ALX1: variants seen among roughly 807,000 people sequenced by gnomAD.
ALX1 encodes the protein ALX homeobox protein 1.
A neutral mutation model predicts 31.7 loss-of-function variants in ALX1; 19 were observed. The ratio of observed to expected loss-of-function variants is 0.60; its 90% confidence interval spans 0.42 to 0.88. ALX1 has a LOEUF of 0.88. Ranked by LOEUF, ALX1 falls within the 40% of genes least tolerant of loss-of-function variation. The pLI is 0.00. For synonymous variants in ALX1, 153 were observed against 148.8 expected (o/e 1.03, Z -0.20); for missense variants, 415 against 407.8 (o/e 1.02, Z -0.15).
chr12:85,287,054 A>G (rs1896758311), intron 3 of ALX1, 73 bp downstream of exon 3: 9 of 1,547,650 alleles, frequency 5.8e-6, no homozygotes, highest in Admixed American at 3.4e-5. Context: ...TGGTTAGCAT[A>G]GGCTTTATTA....
intron 3 of ALX1, 136 bp downstream of exon 3, chr12:85,287,117 A>G: frequency 5.9e-6 from 6 of 1,018,878 alleles, no homozygotes; most frequent in African/African-American, 1.6e-5. Context: ...AACATTCTTC[A>G]TGTCTGCTAA....
chr12:85,296,819 C>T (rs543247086), intron 3 of ALX1, among the ~76,000 whole-genome samples: 5 of 140,704 alleles, frequency 3.6e-5, no homozygotes, highest in South Asian at 4.6e-4. Context: ...CAGAGGCCTA[C>T]GAAAACACCG....
intron 1 of ALX1, among the ~76,000 whole-genome samples, chr12:85,281,468 C>G (rs1370054391): frequency 4.6e-5 from 7 of 152,010 alleles, no homozygotes; most frequent in Non-Finnish European, 1.0e-4. Context: ...AAATAACAAA[C>G]GAATTAAGTG....
intron 3 of ALX1, among the ~76,000 whole-genome samples, chr12:85,294,229 T>A (rs1195598879): frequency 6.6e-6 from 1 of 151,190 alleles, no homozygotes; most frequent in Admixed American, 6.6e-5. Flanking sequence ...TTATCTTTAT[T>A]TCTTATATTG....
chr12:85,298,645 G>T (rs1896920820), intron 3 of ALX1, among the ~76,000 whole-genome samples: 1 of 151,704 alleles, frequency 6.6e-6, no homozygotes, highest in Non-Finnish European at 1.5e-5. Context: ...AAAAATGTGT[G>T]AGGATATCTC....
intron 3 of ALX1, among the ~76,000 whole-genome samples, chr12:85,288,074 C>G (rs982771389): frequency 7.3e-5 from 11 of 151,250 alleles, no homozygotes; most frequent in Non-Finnish European, 1.2e-4. Context: ...AGATAAATCC[C>G]CCAAATTTAT....
In ALX1 at chr12:85,301,519, A is replaced by T. The variant is rs2137396661; in HGVS notation, c.*44A>T. On this transcript the variant is annotated 3_prime_UTR_variant, in exon 4 of 4. Coordinates refer to ENST00000316824, the MANE Select transcript of ALX1 (RefSeq NM_006982.3). ...TTTTCTTTTAATAGCAAAGTTAAACATTCTTATTTCTCATATTTAAAGGAT... is the reference window on the plus strand; with the variant it reads ...TTTTCTTTTAATAGCAAAGTTAAACTTTCTTATTTCTCATATTTAAAGGAT... The T allele has an allele frequency of 6.3e-7, 1 of 1,585,250 alleles. No homozygotes were observed. The highest frequency in any genetic ancestry group is 2.2e-5 in the East Asian group (1 of 44,696).
chr12:85,283,565 G>T lies in ALX1; in HGVS notation c.227-7G>T. The T allele has an allele frequency of 1.9e-6, 3 of 1,613,812 alleles. No individual in the cohort carries two copies. The highest frequency in any genetic ancestry group is 2.5e-6 in the Non-Finnish European group (3 of 1,179,844). ...GAGAACTGTTGTTTTTCCTCCTCTG[G>T]GTACAGTGAACTATGGGATCACTAA... On this transcript the variant is annotated splice_region_variant and splice_polypyrimidine_tract_variant and intron_variant, in intron 1 of 3. Transcript: ENST00000316824.
At chr12:85,294,049 G>A (rs1896853075) in intron 3 of ALX1, among the ~76,000 whole-genome samples, 1 of 151,092 alleles carries the variant, frequency 6.6e-6, no homozygotes, top group South Asian at 2.1e-4. Context: ...GAGATGATGA[G>A]TAAAATCAAT....
chr12:85,282,015 G>C (rs1896680604), intron 1 of ALX1, among the ~76,000 whole-genome samples: 1 of 152,116 alleles, frequency 6.6e-6, no homozygotes, highest in Non-Finnish European at 1.5e-5. Context: ...AAGTGTTAAG[G>C]AAGATGAACA....
intron 3 of ALX1, among the ~76,000 whole-genome samples, chr12:85,289,292 G>T (rs1464661171): frequency 1.3e-5 from 2 of 151,010 alleles, no homozygotes; most frequent in Non-Finnish European, 3.0e-5. Context: ...ATGTATAAAT[G>T]CTCAATATGA....
Position 85,286,856 on chromosome 12 carries a change from TG to T in ALX1, c.537del (p.Trp179CysfsTer71). The T allele has an allele frequency of 6.2e-7, 1 of 1,602,780 alleles. No individual in the cohort carries two copies. The highest frequency in any genetic ancestry group is 8.5e-7 in the Non-Finnish European group (1 of 1,173,000). On this transcript the variant is annotated frameshift_variant, in exon 3 of 4. Coordinates refer to ENST00000316824, the MANE Select transcript of ALX1 (RefSeq NM_006982.3). LOFTEE classifies it high-confidence loss of function. ...TELTEARVQV[W>X]FQNRRAKWRK... ...CTAATTTTTATTAAATAATTAGGTT[TG>T]GTTTCAAAATCGAAGGGCCAAATGG...
chr12:85,292,832 T>C (rs1896835945), intron 3 of ALX1, among the ~76,000 whole-genome samples: 2 of 151,004 alleles, frequency 1.3e-5, no homozygotes, highest in Admixed American at 1.3e-4. Flanking sequence ...CTGTGGTTTA[T>C]AATTAAAAGG....
rs367954668 is a variant in ALX1 at position 85,286,818 on chromosome 12, C to G, written c.532-35C>G. ...ATCACATTTGCTTTATCAAATATTCCTTAGCTAAAATTCTAATTTTTATTA... is the reference window on the plus strand; with the variant it reads ...ATCACATTTGCTTTATCAAATATTCGTTAGCTAAAATTCTAATTTTTATTA... On this transcript the variant is annotated intron_variant, in intron 2 of 3. Coordinates refer to ENST00000316824, the MANE Select transcript of ALX1 (RefSeq NM_006982.3). 6.6e-6 allele frequency: 10 copies of G among 1,515,014 alleles called. No individual in the cohort carries two copies. The African/African-American group carries it at 1.4e-4, about 21-fold the overall frequency. The allele number at this position is 1,515,014 out of a possible 1,614,324, so 93.8% of individuals were successfully genotyped here. A position where few individuals can be genotyped will look rare whatever the true frequency, so the allele number is the denominator to read the frequency against.
At chr12:85,297,093 T>C (rs553058733) in intron 3 of ALX1, among the ~76,000 whole-genome samples, 12 of 151,788 alleles carry the variant, frequency 7.9e-5, no homozygotes, top group African/African-American at 2.4e-4. Context: ...TATGAGAATA[T>C]ATTGGTGTAG....
At position 85,301,504 on chromosome 12, in the gene ALX1, A is replaced by C; in HGVS notation, c.*29A>C. 1 of 1,603,688 alleles carries C rather than the reference A, an allele frequency of 6.2e-7. No homozygotes were observed. Among genetic ancestry groups the C allele is most frequent in the Admixed American group, 1.7e-5 (1 of 59,980 alleles). Reference sequence around the variant, plus strand: ...ACAGTACTCTTTTATTTTTCTTTTAATAGCAAAGTTAAACATTCTTATTTC... The same window carrying C: ...ACAGTACTCTTTTATTTTTCTTTTACTAGCAAAGTTAAACATTCTTATTTC... On this transcript the variant is annotated 3_prime_UTR_variant, in exon 4 of 4. Coordinates refer to ENST00000316824, the MANE Select transcript of ALX1 (RefSeq NM_006982.3).
chr12:85,290,264 A>C (rs141417534), intron 3 of ALX1, among the ~76,000 whole-genome samples: 1 of 151,030 alleles, frequency 6.6e-6, no homozygotes, highest in East Asian at 1.9e-4. Context: ...ATTACTAATA[A>C]TTGGGGGCAT....
At chr12:85,280,577 G>A in intron 1 of ALX1, 90 bp downstream of exon 1, 1 of 1,402,192 alleles carries the variant, frequency 7.1e-7, no homozygotes, top group Non-Finnish European at 9.8e-7. Context: ...AGGGAGAAAG[G>A]AGAAAAGTGG....
Position 85,280,242 on chromosome 12 carries a change from C to T in ALX1, c.-20C>T, listed in dbSNP as rs1422882341. On this transcript the variant is annotated 5_prime_UTR_variant, in exon 1 of 4. In the 5' UTR this introduces an upstream ATG that the reference lacks. Transcript: ENST00000316824. ...TCCAGTTTCTGTGCCCCAGGAGCTA[C>T]GCGACAGTCTTCCAGGATTATGGAG... 1 of 1,584,900 alleles carries T rather than the reference C, an allele frequency of 6.3e-7. No homozygotes were observed. Among genetic ancestry groups the T allele is most frequent in the Non-Finnish European group, 8.6e-7 (1 of 1,162,538 alleles).
Sources: gnomAD v4.1 joint callset for allele counts (sites outside exome capture counted in the v4.1 genomes callset) on GRCh38, gnomAD v4.1.1 for gene constraint, MANE v1.5 for transcripts, NCBI Gene and HGNC (gene_info 2026-07-23, HGNC 2026-07-21) for gene names.